TRAPPC10: variants seen among roughly 807,000 people sequenced by gnomAD.
The protein encoded by TRAPPC10 is trafficking protein particle complex subunit 10.
In TRAPPC10, 23 loss-of-function variants were observed where a neutral mutation model predicts 125.5. The ratio of observed to expected loss-of-function variants is 0.18; its 90% CI spans 0.13 to 0.26. The LOEUF is 0.26. TRAPPC10 is among the 10% of genes least tolerant of loss of function. TRAPPC10 has a pLI of 1.00. For missense variants in TRAPPC10, 1,123 were observed against 1,308.4 expected, an observed-to-expected ratio of 0.86 and a Z score of 2.19; for synonymous variants, 509 against 518.0, an observed-to-expected ratio of 0.98 and a Z score of 0.24.
At chr21:44,089,474 CA>C in intron 17 of TRAPPC10, 1 of 450,522 alleles carries the variant, frequency 2.2e-6, no homozygotes, top group South Asian at 1.6e-5. Flanking sequence ...AGCACTTTGT[CA>C]AAACCCTGTG....
Position 44,087,952 on chromosome 21 carries a change from T to C in TRAPPC10, c.2769+24T>C, listed in dbSNP as rs1409559767. On this transcript the variant is annotated intron_variant, in intron 17 of 22. Coordinates refer to ENST00000291574, the MANE Select transcript of TRAPPC10 (RefSeq NM_003274.5). This position sits in a 1 kb window ranked among gnomAD's most constrained non-coding sequence, Gnocchi z 4.6. ...AAGTGAGTAGGGACAGTGGAGGAGC[T>C]TAGCTTGTGGGGCGTCCGCCGCCCG... The C allele has an allele frequency of 3.8e-6, 6 of 1,587,026 alleles. No homozygotes were observed. The highest frequency in any genetic ancestry group is 4.3e-6 in the Non-Finnish European group (5 of 1,162,632).
At chr21:44,084,997 G>A (rs1057244316) in intron 15 of TRAPPC10, among the ~76,000 whole-genome samples, 4 of 152,228 alleles carry the variant, frequency 2.6e-5, no homozygotes, top group African/African-American at 4.8e-5. Flanking sequence ...CTGCCTGAAA[G>A]CTCTCCAGAC....
chr21:44,025,077 G>A (rs2032918773), intron 1 of TRAPPC10, among the ~76,000 whole-genome samples: 1 of 152,192 alleles, frequency 6.6e-6, no homozygotes, highest in Admixed American at 6.5e-5. Context: ...GAGTTGTTTT[G>A]TGTTTTACTG....
intron 3 of TRAPPC10, among the ~76,000 whole-genome samples, chr21:44,045,442 A>G (rs1292031461): frequency 6.6e-6 from 1 of 152,118 alleles, no homozygotes; most frequent in African/African-American, 2.4e-5. Flanking sequence ...TTTTTTTTTA[A>G]AGATGTTTCA....
At chr21:44,074,065 A>G (rs1029376390) in intron 7 of TRAPPC10, among the ~76,000 whole-genome samples, 2 of 152,220 alleles carry the variant, frequency 1.3e-5, no homozygotes, top group African/African-American at 2.4e-5. Flanking sequence ...CAAAAATACA[A>G]TAATTGAAAG....
intron 2 of TRAPPC10, 93 bp from the exon 3 acceptor site, chr21:44,037,699 T>C (rs1480858420): frequency 2.9e-5 from 41 of 1,413,724 alleles, no homozygotes; most frequent in Non-Finnish European, 3.7e-5. Context: ...TCTGAACTCA[T>C]GCATACCATT....
In TRAPPC10 at chr21:44,084,175, C is replaced by T. The variant is rs746339197; in HGVS notation, c.2292C>T (p.Ser764=). Residue 764 remains serine, a synonymous_variant, in exon 15 of 23, where the codon TCC becomes TCT. Coordinates refer to ENST00000291574, the MANE Select transcript of TRAPPC10 (RefSeq NM_003274.5). ...GGCAGCTGTGCGCCTCGGTGGGCTC[C>T]GTGTGGTTCGTCCTCCCTCACATCT... ...TLRQLCASVG[S]VWFVLPHIYP... 5 of 1,614,210 alleles carry T rather than the reference C, an allele frequency of 3.1e-6. No homozygotes were observed. The highest frequency in any genetic ancestry group is 2.2e-5 in the East Asian group (1 of 44,878).
chr21:44,026,519 G>A (rs1601577292), intron 1 of TRAPPC10, among the ~76,000 whole-genome samples: 1 of 152,326 alleles, frequency 6.6e-6, no homozygotes, highest in South Asian at 2.1e-4. Context: ...GCAAGCACTT[G>A]CATTCCTAGG....
At chr21:44,089,970 C>G in intron 18 of TRAPPC10, 37 bp downstream of exon 18, 1 of 1,514,738 alleles carries the variant, frequency 6.6e-7, no homozygotes, top group Non-Finnish European at 9.1e-7. Context: ...TGGCTTCTTT[C>G]CCCAGACTCT....
chr21:44,030,727 C>A (rs545390391), intron 1 of TRAPPC10, among the ~76,000 whole-genome samples: 1 of 152,298 alleles, frequency 6.6e-6, no homozygotes, highest in African/African-American at 2.4e-5. Context: ...CTCGGCCTCC[C>A]AAAATGCTGG....
At chr21:44,044,286 C>CA (rs2034619053) in intron 3 of TRAPPC10, among the ~76,000 whole-genome samples, 1 of 150,808 alleles carries the variant, frequency 6.6e-6, no homozygotes, top group African/African-American at 2.4e-5. Flanking sequence ...TTGAATGAGA[C>CA]TTTTTTCCTT....
At chr21:44,077,456 G>A (rs996263636) in intron 10 of TRAPPC10, among the ~76,000 whole-genome samples, 6 of 152,126 alleles carry the variant, frequency 3.9e-5, no homozygotes, top group East Asian at 3.9e-4. Flanking sequence ...GGGCCTGGTG[G>A]CGCCTGTAGT....
chr21:44,057,309 T>C (rs2035676412), intron 5 of TRAPPC10, among the ~76,000 whole-genome samples: 1 of 152,112 alleles, frequency 6.6e-6, no homozygotes, highest in South Asian at 2.1e-4. Context: ...CTCTCTCTTT[T>C]TTTTTTTATG....
intron 3 of TRAPPC10, among the ~76,000 whole-genome samples, chr21:44,039,478 C>T (rs1341265853): frequency 6.6e-6 from 1 of 152,220 alleles, no homozygotes; most frequent in Non-Finnish European, 1.5e-5. Context: ...CCATGGAGCC[C>T]TGGTTCCTCT....
At chr21:44,024,318 G>A (rs2032851418) in intron 1 of TRAPPC10, among the ~76,000 whole-genome samples, 1 of 152,086 alleles carries the variant, frequency 6.6e-6, no homozygotes, top group South Asian at 2.1e-4. Context: ...CAGATGGCTG[G>A]GTCCATTCCC....
chr21:44,012,636 C>CCGT, intron 1 of TRAPPC10, 76 bp downstream of exon 1: 1 of 1,345,902 alleles, frequency 7.4e-7, no homozygotes, highest in Non-Finnish European at 1.0e-6. Context: ...CCCGGCGCCC[C>CCGT]CAGACCTTCA....
chr21:44,087,038 C>T lies in TRAPPC10; in HGVS notation c.2539+78C>T. On this transcript the variant is annotated intron_variant, in intron 16 of 22. Coordinates refer to ENST00000291574, the MANE Select transcript of TRAPPC10 (RefSeq NM_003274.5). The surrounding 1 kb of genome is among the most constrained non-coding windows in gnomAD (Gnocchi z 4.6). Reference sequence around the variant, plus strand: ...GTGTGGGTGTGAGGGTGAGCCTGGCCTTGCTGCCATCCTGCTGAGCGCCCC... The same window carrying T: ...GTGTGGGTGTGAGGGTGAGCCTGGCTTTGCTGCCATCCTGCTGAGCGCCCC... 2 of 1,534,356 alleles carry T rather than the reference C, an allele frequency of 1.3e-6. No individual in the cohort carries two copies. Among genetic ancestry groups the T allele is most frequent in the Non-Finnish European group, 1.8e-6 (2 of 1,126,320 alleles).
At chr21:44,061,547 G>A (rs555991247) in intron 6 of TRAPPC10, among the ~76,000 whole-genome samples, 8 of 152,318 alleles carry the variant, frequency 5.3e-5, no homozygotes, top group African/African-American at 7.2e-5. Context: ...GATTACAGGC[G>A]TGAGCCACCG....
intron 17 of TRAPPC10, chr21:44,088,177 G>C: frequency 1.8e-6 from 1 of 540,628 alleles, no homozygotes; most frequent in Non-Finnish European, 3.3e-6. Context: ...GGAGTTTGCT[G>C]TAAGAGGTTA....
Sources: gnomAD v4.1 joint callset for allele counts (sites outside exome capture counted in the v4.1 genomes callset) on GRCh38, gnomAD v4.1.1 for gene constraint, Gnocchi (gnomAD v3.1) non-coding constraint, MANE v1.5 for transcripts, NCBI Gene and HGNC (gene_info 2026-07-23, HGNC 2026-07-21) for gene names.